C5orf46: variants seen among roughly 807,000 people sequenced by gnomAD.
The protein encoded by C5orf46 is chromosome 5 open reading frame 46.
Under a neutral mutation model 8.9 loss-of-function variants are expected in C5orf46, and 9 were observed. The ratio of observed to expected loss-of-function variants is 1.01; its 90% CI spans 0.61 to 1.76. The LOEUF (loss-of-function observed/expected upper bound fraction) is 1.76, where lower values mean the gene tolerates loss of function less well. C5orf46 is among the 40% of genes most tolerant of loss of function. The pLI is 0.00. For synonymous variants in C5orf46, 47 were observed against 41.4 expected (o/e 1.14, Z -0.52); for missense variants, 98 against 107.8 (o/e 0.91, Z 0.40).
chr5:147,905,043 G>A (rs1757729503), intron 1 of C5orf46, among the ~76,000 whole-genome samples: 1 of 151,472 alleles, frequency 6.6e-6, no homozygotes, highest in Non-Finnish European at 1.5e-5. Flanking sequence ...CTCCTCTAGT[G>A]CTTTAGAAGA....
chr5:147,900,956 T>A (rs970295519), intron 2 of C5orf46, among the ~76,000 whole-genome samples: 8 of 152,186 alleles, frequency 5.3e-5, no homozygotes, highest in African/African-American at 1.9e-4. Context: ...AGACACAGGC[T>A]TGGAAGCAGG....
At chr5:147,902,013 G>A (rs1029170626) in intron 1 of C5orf46, among the ~76,000 whole-genome samples, 4 of 152,282 alleles carry the variant, frequency 2.6e-5, no homozygotes, top group Admixed American at 6.5e-5. Flanking sequence ...CACTGGCACC[G>A]CCTGGTGAGT....
Position 147,901,646 on chromosome 5 carries a change from G to A in C5orf46, c.198C>T (p.Arg66=), listed in dbSNP as rs774053357. 12 of 1,613,906 alleles carry A rather than the reference G, an allele frequency of 7.4e-6. No individual in the cohort carries two copies. The highest frequency in any genetic ancestry group is 1.3e-5 in the African/African-American group (1 of 74,910). The stretch of plus-strand genomic sequence containing the variant: ...GTGCTTACGTGCTCCTGGACATGGA[G>A]CGGAGGATGAACTCGACTGCATTCT... The part of the protein sequence containing the change: ...IIENAVEFIL[R]SMSRSTGFME... The change falls in exon 2 of 4, where the codon CGC becomes CGT. Residue 66 remains arginine, a synonymous_variant. Transcript: ENST00000318315.
chr5:147,897,142 C>G lies in C5orf46; in HGVS notation c.216-101G>C, dbSNP rs149809263. 1.4e-3 allele frequency: 673 copies of G among 489,530 alleles called. 5 individuals are homozygous for G. Among genetic ancestry groups the G allele is most frequent in the African/African-American group, 0.013 (641 of 49,846 alleles). 30.3% of individuals were successfully genotyped at this position (489,530 alleles called of 1,614,324 possible). A position where few individuals can be genotyped will look rare whatever the true frequency, so the allele number is the denominator to read the frequency against. ...ATAATGTTTGAGCCACACTGTTCTTCTCTAGATTTTTCTATGTCAGAAAGA... is the reference window on the plus strand; with the variant it reads ...ATAATGTTTGAGCCACACTGTTCTTGTCTAGATTTTTCTATGTCAGAAAGA... On this transcript the variant is annotated intron_variant, in intron 2 of 3. Coordinates refer to ENST00000318315, the MANE Select transcript of C5orf46 (RefSeq NM_206966.3).
At chr5:147,896,839 TA>T (rs1268105672) in intron 3 of C5orf46, 144 bp downstream of exon 3, 30 of 428,752 alleles carry the variant, frequency 7.0e-5, no homozygotes, top group Admixed American at 3.8e-4. Context: ...ATGAAAAAAA[TA>T]TATTCATTTA....
rs573735723 is a variant in C5orf46, at chr5:147,903,911, C to A, written c.71-2138G>T. ...GACAGGCATATGCCACCACAGCTGG[C>A]TAATTCTTGTATTTTGTGTAGAGAC... On this transcript the variant is annotated intron_variant, in intron 1 of 3. Transcript: ENST00000318315. 8.5e-5 allele frequency among the ~76,000 whole-genome samples: 13 copies of A among 152,206 alleles called. No homozygotes were observed. The South Asian group carries it at 2.7e-3, about 32-fold the overall frequency.
downstream of C5orf46, among the ~76,000 whole-genome samples, chr5:147,888,811 A>T (rs1757459018): frequency 6.6e-6 from 1 of 152,118 alleles, no homozygotes; most frequent in African/African-American, 2.4e-5. Flanking sequence ...CAGTATTTAA[A>T]TTGTGTGGTT....
chr5:147,889,842 A>G (rs766032929), downstream of C5orf46, among the ~76,000 whole-genome samples: 7 of 152,316 alleles, frequency 4.6e-5, no homozygotes, highest in East Asian at 1.4e-3. Flanking sequence ...TGAGGATTCA[A>G]TGAGGTAGCA....
chr5:147,904,620 T>A (rs542573067), intron 1 of C5orf46, among the ~76,000 whole-genome samples: 1 of 152,212 alleles, frequency 6.6e-6, no homozygotes, highest in Admixed American at 6.5e-5. Flanking sequence ...TGGGCGGAAA[T>A]CAAAATCTTG....
At chr5:147,895,935 C>T (rs1757573356) in intron 3 of C5orf46, among the ~76,000 whole-genome samples, 1 of 152,090 alleles carries the variant, frequency 6.6e-6, no homozygotes, top group Admixed American at 6.6e-5. Context: ...TAGTAGCTTT[C>T]TGAACTTACA....
chr5:147,896,019 T>G (rs915223779), intron 3 of C5orf46, among the ~76,000 whole-genome samples: 4 of 152,096 alleles, frequency 2.6e-5, no homozygotes, highest in African/African-American at 7.2e-5. Flanking sequence ...CAAACAGAAG[T>G]TGGGAAAGGC....
At chr5:147,890,740 A>G (rs896228302), downstream of C5orf46, among the ~76,000 whole-genome samples, 3 of 152,176 alleles carry the variant, frequency 2.0e-5, no homozygotes, top group African/African-American at 7.2e-5. Flanking sequence ...TACTTGGACT[A>G]TTTAAAGACT....
At chr5:147,887,947 C>T (rs1191444676), downstream of C5orf46, among the ~76,000 whole-genome samples, 1 of 152,140 alleles carries the variant, frequency 6.6e-6, no homozygotes, top group East Asian at 1.9e-4. Context: ...AGCAGGAGCA[C>T]AGGGACACAA....
At chr5:147,896,025 A>G (rs946713677) in intron 3 of C5orf46, among the ~76,000 whole-genome samples, 6 of 152,186 alleles carry the variant, frequency 3.9e-5, no homozygotes, top group African/African-American at 1.2e-4. Flanking sequence ...GAAGTTGGGA[A>G]AGGCCATGCT....
At chr5:147,905,491 T>C (rs1342466354) in intron 1 of C5orf46, among the ~76,000 whole-genome samples, 1 of 152,186 alleles carries the variant, frequency 6.6e-6, no homozygotes, top group African/African-American at 2.4e-5. Context: ...ATGTCTAGAG[T>C]AATTCTGTTG....
intron 1 of C5orf46, among the ~76,000 whole-genome samples, chr5:147,903,243 A>C (rs116304924): frequency 6.6e-6 from 1 of 152,230 alleles, no homozygotes; most frequent in Non-Finnish European, 1.5e-5. Context: ...ATGTTACCAG[A>C]CTGGGTACAT....
At chr5:147,893,996 A>G (rs1757544186) in intron 3 of C5orf46, among the ~76,000 whole-genome samples, 1 of 152,004 alleles carries the variant, frequency 6.6e-6, no homozygotes, top group Non-Finnish European at 1.5e-5. Context: ...GCCACGGGCA[A>G]TTTTGCTTAT....
At chr5:147,903,737 T>G (rs1008175761) in intron 1 of C5orf46, among the ~76,000 whole-genome samples, 127 of 152,312 alleles carry the variant, frequency 8.3e-4, no homozygotes, top group African/African-American at 2.9e-3. Flanking sequence ...AAAGTATTTT[T>G]GGGCCTACTT....
intron 2 of C5orf46, chr5:147,885,955 A>G (rs565173815): frequency 2.6e-5 from 4 of 152,298 alleles, no homozygotes; most frequent in Admixed American, 6.5e-5. Context: ...GGATGAATGG[A>G]TAAATTTTGG....
Sources: gnomAD v4.1 joint callset for allele counts (sites outside exome capture counted in the v4.1 genomes callset) on GRCh38, gnomAD v4.1.1 for gene constraint, MANE v1.5 for transcripts, NCBI Gene and HGNC (gene_info 2026-07-23, HGNC 2026-07-21) for gene names.